The following PPP1R3A variants were observed in gnomAD, a reference collection of about 807,000 sequenced individuals.
The protein encoded by PPP1R3A is RG1.
A neutral mutation model predicts 41.7 loss-of-function variants in PPP1R3A; 29 were observed. That is an observed-to-expected ratio of 0.70 (90% CI 0.52 to 0.95). PPP1R3A has a LOEUF of 0.95. PPP1R3A is among the 40% of genes least tolerant of loss of function. The pLI, the probability that PPP1R3A is intolerant of heterozygous loss-of-function variation, is 0.00. For synonymous variants in PPP1R3A, 485 were observed against 453.4 expected (o/e 1.07, Z -0.89); for missense variants, 1,352 against 1,292.4 (o/e 1.05, Z -0.71).
In PPP1R3A at chr7:113,880,009, G is replaced by T; in HGVS notation, c.1083C>A (p.Ile361=). The T allele has an allele frequency of 6.2e-7, 1 of 1,612,434 alleles. No homozygotes were observed. The highest frequency in any genetic ancestry group is 8.5e-7 in the Non-Finnish European group (1 of 1,178,806). Residue 361 remains isoleucine (I), a synonymous_variant, in exon 4 of 4, where the codon ATC becomes ATA. Transcript: ENST00000284601. Reference sequence around the variant, plus strand: ...ACAAGTCAGTACATATTTCACCATGGATTTGCTTCTTCTCTAACCCCTCTG... The same window carrying T: ...ACAAGTCAGTACATATTTCACCATGTATTTGCTTCTTCTCTAACCCCTCTG... ...NKAEGLEKKQ[I]HGEICTDLFQ...
Position 113,880,069 on chromosome 7 carries a change from T to G in PPP1R3A, c.1023A>C (p.Thr341=). 1 of 1,610,158 alleles carries G rather than the reference T, an allele frequency of 6.2e-7. No individual in the cohort carries two copies. The highest frequency in any genetic ancestry group is 8.5e-7 in the Non-Finnish European group (1 of 1,176,926). Residue 341 remains threonine, a synonymous_variant, in exon 4 of 4, where the codon ACA becomes ACC. Coordinates refer to ENST00000284601, the MANE Select transcript of PPP1R3A (RefSeq NM_002711.4). The part of the protein sequence containing the change: ...RSTASRDERN[T]FSTDPVNFPN... Reference sequence around the variant, plus strand: ...GAAAATTGACTGGATCTGTTGAAAATGTATTCCTTTCATCTCTGGAAGCAG... The same window carrying G: ...GAAAATTGACTGGATCTGTTGAAAAGGTATTCCTTTCATCTCTGGAAGCAG...
At chr7:113,887,743 C>G (rs561881325) in intron 1 of PPP1R3A, among the ~76,000 whole-genome samples, 35 of 152,138 alleles carry the variant, frequency 2.3e-4, no homozygotes, top group Admixed American at 2.3e-3. Flanking sequence ...TAAAAAAGCA[C>G]AAAATGGCCA....
chr7:113,887,622 C>T (rs1380796266), intron 1 of PPP1R3A, among the ~76,000 whole-genome samples: 1 of 152,074 alleles, frequency 6.6e-6, no homozygotes, highest in East Asian at 1.9e-4. Context: ...AAGTTTATCT[C>T]AAAGTTACTA....
chr7:113,906,901 C>G (rs966155794), intron 1 of PPP1R3A, among the ~76,000 whole-genome samples: 50 of 151,690 alleles, frequency 3.3e-4, no homozygotes, highest in African/African-American at 1.1e-3. Context: ...GCATTAAATG[C>G]TGAGCCTAGA....
rs1796611840 is a variant in PPP1R3A, at chr7:113,878,459, T to C, written c.2633A>G (p.Glu878Gly). 2 of 1,612,766 alleles carry C rather than the reference T, an allele frequency of 1.2e-6. No homozygotes were observed. Among genetic ancestry groups the C allele is most frequent in the East Asian group, 2.2e-5 (1 of 44,834 alleles). ...MLPTDKTVFS[E>G]NRDLRQVQEL... ...TTGAACCTGCCTAAGATCTCTGTTT[T>C]CTGAAAATACAGTTTTGTCTGTTGG... Residue 878 changes from glutamate to glycine, a missense_variant, in exon 4 of 4, where the codon GAA (glutamate) becomes GGA (glycine). Transcript: ENST00000284601.
At chr7:113,896,657 A>T (rs1020529178) in intron 1 of PPP1R3A, among the ~76,000 whole-genome samples, 6 of 151,814 alleles carry the variant, frequency 4.0e-5, no homozygotes, top group African/African-American at 1.4e-4. Context: ...GAGCAGAGAA[A>T]GGCCCAAGAG....
Position 113,878,456 on chromosome 7 carries a change from T to C in PPP1R3A, c.2636A>G (p.Asn879Ser). Residue 879 changes from asparagine to serine, a missense_variant, in exon 4 of 4, where the codon AAC becomes AGC. Transcript: ENST00000284601. ...TTCTTGAACCTGCCTAAGATCTCTG[T>C]TTTCTGAAAATACAGTTTTGTCTGT... Reference protein sequence around the residue: ...LPTDKTVFSENRDLRQVQELS... With the variant: ...LPTDKTVFSESRDLRQVQELS... 6.2e-7 allele frequency: 1 copy of C among 1,612,728 alleles called. No homozygotes were observed.
At chr7:113,894,032 C>G (rs1796937871) in intron 1 of PPP1R3A, among the ~76,000 whole-genome samples, 1 of 151,838 alleles carries the variant, frequency 6.6e-6, no homozygotes, top group African/African-American at 2.4e-5. Context: ...TTCTAGCTCA[C>G]CCCAAAGGAA....
rs2129112683 is a variant in PPP1R3A, at chr7:113,878,608, A to G, written c.2484T>C (p.Pro828=). ...EKEETMSMYN[P]RKTHDREKCG... is the part of the protein sequence containing the mutation. ...ATTTCTCCCTGTCATGTGTCTTCCT[A>G]GGATTGTACATAGACATGGTTTCTT... The change falls in exon 4 of 4, where the codon CCT becomes CCC. Residue 828 remains proline, a synonymous_variant. Coordinates refer to ENST00000284601, the MANE Select transcript of PPP1R3A (RefSeq NM_002711.4). The G allele has an allele frequency of 1.2e-6, 2 of 1,613,478 alleles. No individual in the cohort carries two copies. The highest frequency in any genetic ancestry group is 1.7e-6 in the Non-Finnish European group (2 of 1,179,636).
intron 1 of PPP1R3A, among the ~76,000 whole-genome samples, chr7:113,915,531 AT>A (rs2129121521): frequency 6.7e-6 from 1 of 149,604 alleles, no homozygotes; most frequent in African/African-American, 2.4e-5. Flanking sequence ...AATCATATAT[AT>A]ATATGTATGT....
intron 1 of PPP1R3A, among the ~76,000 whole-genome samples, chr7:113,885,115 G>A (rs887213128): frequency 9.9e-5 from 15 of 152,060 alleles, no homozygotes; most frequent in Non-Finnish European, 1.9e-4. Flanking sequence ...AGTCCAGTGC[G>A]CAATCTTAGC....
intron 1 of PPP1R3A, 26 bp from the exon 2 acceptor site, chr7:113,882,346 T>C (rs1435485311): frequency 3.7e-6 from 5 of 1,354,742 alleles, no homozygotes; most frequent in Non-Finnish European, 4.2e-6. Flanking sequence ...GAAAATGTTA[T>C]ATGTTTTTCT....
intron 1 of PPP1R3A, among the ~76,000 whole-genome samples, chr7:113,904,490 T>C (rs143299611): frequency 1.5e-3 from 227 of 151,894 alleles, no homozygotes; most frequent in African/African-American, 4.5e-3. Context: ...CTTATTCACA[T>C]GGTAAAACAC....
At chr7:113,916,712 A>G (rs1165530049) in intron 1 of PPP1R3A, among the ~76,000 whole-genome samples, 1 of 152,074 alleles carries the variant, frequency 6.6e-6, no homozygotes, top group African/African-American at 2.4e-5. Flanking sequence ...TCTCATTTCT[A>G]AAGTATTTAA....
At chr7:113,896,083 C>G (rs912942751) in intron 1 of PPP1R3A, among the ~76,000 whole-genome samples, 1 of 147,470 alleles carries the variant, frequency 6.8e-6, no homozygotes. Flanking sequence ...CAGGGACTAT[C>G]AGTCTATTGT....
intron 1 of PPP1R3A, among the ~76,000 whole-genome samples, chr7:113,914,778 A>T (rs1168970105): frequency 6.6e-6 from 1 of 152,130 alleles, no homozygotes; most frequent in Non-Finnish European, 1.5e-5. Context: ...AGTTGTTCTC[A>T]ATTAACATAC....
intron 1 of PPP1R3A, among the ~76,000 whole-genome samples, chr7:113,884,867 G>C (rs191799981): frequency 6.6e-6 from 1 of 151,944 alleles, no homozygotes; most frequent in African/African-American, 2.4e-5. Context: ...TTGTGTGTAG[G>C]GGGGCAAGGG....
At chr7:113,880,885 T>C (rs1417328895) in intron 3 of PPP1R3A, among the ~76,000 whole-genome samples, 1 of 152,084 alleles carries the variant, frequency 6.6e-6, no homozygotes, top group Admixed American at 6.6e-5. Flanking sequence ...TTCCATCTAT[T>C]ATAGAGCTTC....
At chr7:113,890,274 A>C (rs1796857749) in intron 1 of PPP1R3A, among the ~76,000 whole-genome samples, 1 of 152,264 alleles carries the variant, frequency 6.6e-6, no homozygotes, top group East Asian at 1.9e-4. Flanking sequence ...TACAAATGCT[A>C]TTCAGGGGCC....
Sources: gnomAD v4.1 joint callset for allele counts (sites outside exome capture counted in the v4.1 genomes callset) on GRCh38, gnomAD v4.1.1 for gene constraint, MANE v1.5 for transcripts, NCBI Gene and HGNC (gene_info 2026-07-23, HGNC 2026-07-21) for gene names.